MBOAT1: variants seen among roughly 807,000 people sequenced by gnomAD.
MBOAT1 encodes the protein membrane-bound glycerophospholipid O-acyltransferase 1.
A neutral mutation model predicts 64.4 loss-of-function variants in MBOAT1; 67 were observed. The observed-to-expected ratio is 1.04, with a 90% CI of 0.85 to 1.27. The LOEUF (loss-of-function observed/expected upper bound fraction) is 1.27. MBOAT1 is among the 50% of genes most tolerant of loss of function. MBOAT1 has a pLI of 0.00. For synonymous variants in MBOAT1, 229 were observed against 218.9 expected, an observed-to-expected ratio of 1.05 and a Z score of -0.41; for missense variants, 563 against 604.6, an observed-to-expected ratio of 0.93 and a Z score of 0.72.
intron 8 of MBOAT1, among the ~76,000 whole-genome samples, chr6:20,121,327 C>G (rs1427907311): frequency 6.6e-6 from 1 of 152,142 alleles, no homozygotes; most frequent in Non-Finnish European, 1.5e-5. Flanking sequence ...CTTCTTTATT[C>G]GTAAATAAGA....
chr6:20,166,513 T>G (rs145338561), intron 1 of MBOAT1, among the ~76,000 whole-genome samples: 2 of 152,274 alleles, frequency 1.3e-5, no homozygotes, highest in African/African-American at 4.8e-5. Context: ...GGAGCCAGCA[T>G]GCCTTTAGAC....
At chr6:20,133,896 A>G (rs1451023328) in intron 4 of MBOAT1, among the ~76,000 whole-genome samples, 1 of 152,136 alleles carries the variant, frequency 6.6e-6, no homozygotes, top group Non-Finnish European at 1.5e-5. Flanking sequence ...GATTTTACCC[A>G]TGATCACACT....
At chr6:20,152,373 A>T (rs1005425417) in intron 2 of MBOAT1, among the ~76,000 whole-genome samples, 15 of 142,050 alleles carry the variant, frequency 1.1e-4, no homozygotes, top group African/African-American at 3.4e-4. Context: ...AAATTAATTA[A>T]TTAATTAATT....
chr6:20,208,379 G>C (rs1044147269), intron 1 of MBOAT1, among the ~76,000 whole-genome samples: 39 of 142,822 alleles, frequency 2.7e-4, no homozygotes, highest in Non-Finnish European at 4.7e-4. Context: ...CTGGGAGGCG[G>C]AGGTTGCACT....
chr6:20,103,697 G>T (rs1488608342), intron 12 of MBOAT1, among the ~76,000 whole-genome samples: 1 of 152,194 alleles, frequency 6.6e-6, no homozygotes, highest in African/African-American at 2.4e-5. Flanking sequence ...AAACTGCTGG[G>T]ATTGCAGGCA....
At chr6:20,196,987 A>G (rs537560803) in intron 1 of MBOAT1, among the ~76,000 whole-genome samples, 1 of 152,346 alleles carries the variant, frequency 6.6e-6, no homozygotes, top group African/African-American at 2.4e-5. Flanking sequence ...TGAAATTCAA[A>G]TTCTGAAGTT....
intron 1 of MBOAT1, among the ~76,000 whole-genome samples, chr6:20,203,946 C>A (rs897132639): frequency 1.3e-5 from 2 of 152,186 alleles, no homozygotes; most frequent in African/African-American, 4.8e-5. Context: ...TTTCTTCAGC[C>A]TTTTCTACCT....
chr6:20,164,622 G>T (rs1761963976), intron 1 of MBOAT1, among the ~76,000 whole-genome samples: 1 of 117,124 alleles, frequency 8.5e-6, no homozygotes, highest in South Asian at 3.5e-4. Flanking sequence ...GGGAGGTTGG[G>T]GGATAAGGCA....
rs149732446 is a variant in MBOAT1, at chr6:20,208,705, T to C, written c.99+3431A>G. 5.1e-3 allele frequency among the ~76,000 whole-genome samples: 781 copies of C among 151,870 alleles called. 5 individuals carry two copies. The highest frequency in any genetic ancestry group is 7.9e-3 in the South Asian group (38 of 4,808). ...ATGCCAAATTAGGGGGAAAAAAAAA[T>C]ACCTCAGAGAGTCCTAGTGTAACAC... On this transcript the variant is annotated intron_variant, in intron 1 of 12. Coordinates refer to ENST00000324607, the MANE Select transcript of MBOAT1 (RefSeq NM_001080480.3).
chr6:20,184,890 T>G (rs1414869008), intron 1 of MBOAT1, among the ~76,000 whole-genome samples: 1 of 151,082 alleles, frequency 6.6e-6, no homozygotes, highest in Non-Finnish European at 1.5e-5. Context: ...AGTGTGTGTG[T>G]GTGTGTGTGT....
At chr6:20,138,889 C>A (rs1406489411) in intron 4 of MBOAT1, among the ~76,000 whole-genome samples, 1 of 152,180 alleles carries the variant, frequency 6.6e-6, no homozygotes, top group South Asian at 2.1e-4. Flanking sequence ...CTTCTGCAGG[C>A]GCTGAGAGAG....
At chr6:20,152,879 C>T in intron 1 of MBOAT1, 110 bp from the exon 2 acceptor site, 1 of 1,240,692 alleles carries the variant, frequency 8.1e-7, no homozygotes, top group Non-Finnish European at 1.1e-6. Flanking sequence ...GTCGCCCAGG[C>T]TGGAGTGCAG....
At chr6:20,199,884 C>T (rs1434435381) in intron 1 of MBOAT1, among the ~76,000 whole-genome samples, 1 of 152,168 alleles carries the variant, frequency 6.6e-6, no homozygotes, top group African/African-American at 2.4e-5. Flanking sequence ...AGGAGAATCG[C>T]TTGAAACCAG....
In MBOAT1 at chr6:20,121,278, G is replaced by A. The variant is rs146857318; in HGVS notation, c.908-2738C>T. Among the ~76,000 whole-genome samples, 32 of 152,308 alleles carry A rather than the reference G, an allele frequency of 2.1e-4. No homozygotes were observed. The East Asian group carries it at 5.4e-3, about 26-fold the overall frequency. The stretch of plus-strand genomic sequence containing the variant: ...GGGAGCTGGAGAAAACAATTATTCA[G>A]TTAAGCAGTTTAAATATTCCCTGAT... On this transcript the variant is annotated intron_variant, in intron 8 of 12. Transcript: ENST00000324607.
intron 4 of MBOAT1, among the ~76,000 whole-genome samples, chr6:20,139,100 G>C (rs957169164): frequency 6.6e-6 from 1 of 152,096 alleles, no homozygotes; most frequent in Non-Finnish European, 1.5e-5. Context: ...AATCCAGTGT[G>C]ACCTGATCTG....
intron 1 of MBOAT1, among the ~76,000 whole-genome samples, chr6:20,207,952 T>G (rs1374340819): frequency 6.6e-6 from 1 of 152,232 alleles, no homozygotes; most frequent in African/African-American, 2.4e-5. Context: ...CTTGATTTTT[T>G]TCATCTTTGT....
At chr6:20,151,557 C>G (rs543196454) in intron 2 of MBOAT1, among the ~76,000 whole-genome samples, 1 of 152,142 alleles carries the variant, frequency 6.6e-6, no homozygotes, top group Admixed American at 6.5e-5. Context: ...GAGATGAGTT[C>G]TTTCTTTAAG....
intron 1 of MBOAT1, among the ~76,000 whole-genome samples, chr6:20,158,953 C>T (rs777116035): frequency 1.3e-5 from 2 of 152,078 alleles, no homozygotes; most frequent in African/African-American, 2.4e-5. Flanking sequence ...AAAGGGAACG[C>T]CAGCACACTG....
rs1281491523 is a variant in MBOAT1 at position 20,118,302 on chromosome 6, G to C, written c.1011+135C>G. On this transcript the variant is annotated intron_variant, in intron 9 of 12. Coordinates refer to ENST00000324607, the MANE Select transcript of MBOAT1 (RefSeq NM_001080480.3). ...ATTCTGAGATGCAAAATGTCCAGTA[G>C]GCTGCTGAGCCTGGCAATTCCCTGA... 5 of 683,770 alleles carry C rather than the reference G, an allele frequency of 7.3e-6. No homozygotes were observed. In the East Asian group the frequency reaches 1.4e-4, roughly 19 times the overall value. The allele number at this position is 683,770 out of a possible 1,614,324, so 42.4% of individuals were successfully genotyped here.
Sources: gnomAD v4.1 joint callset for allele counts (sites outside exome capture counted in the v4.1 genomes callset) on GRCh38, gnomAD v4.1.1 for gene constraint, MANE v1.5 for transcripts, NCBI Gene and HGNC (gene_info 2026-07-23, HGNC 2026-07-21) for gene names.